ZNF692: variants seen among roughly 807,000 people sequenced by gnomAD.
ZNF692 encodes zinc finger protein 692.
ZNF692 carries 41 observed loss-of-function variants against 49.0 expected under a neutral mutation model. That is an observed-to-expected ratio of 0.84 (90% CI 0.65 to 1.08). ZNF692 has a LOEUF of 1.08. Among genes scored for constraint, ZNF692 ranks in the 50% least tolerant of loss-of-function variants. The pLI, the probability that ZNF692 is intolerant of heterozygous loss-of-function variation, is 0.00. For missense variants in ZNF692, 662 were observed against 662.2 expected (o/e 1.00, Z 0.00); for synonymous variants, 288 against 251.5 (o/e 1.15, Z -1.37).
At chr1:248,856,093 C>G (rs768617761) in intron 6 of ZNF692, 147 bp from the exon 7 acceptor site, 19 of 1,175,584 alleles carry the variant, frequency 1.6e-5, no homozygotes, top group Non-Finnish European at 2.0e-5. Context: ...CTGCTTTCAG[C>G]CCTCAATCTC....
Position 248,856,269 on chromosome 1 carries a change from T to C in ZNF692, c.659+19A>G. The C allele has an allele frequency of 6.4e-7, 1 of 1,561,880 alleles. No homozygotes were observed. The highest frequency in any genetic ancestry group is 8.7e-7 in the Non-Finnish European group (1 of 1,154,862). On this transcript the variant is annotated intron_variant, in intron 6 of 11. Coordinates refer to ENST00000306601, the MANE Select transcript of ZNF692 (RefSeq NM_017865.4). ...CCTCCCTCTCTTGCTCTGCTCATTC[T>C]CCCTCAACCCCAACTTGCTCATCTG...
intron 3 of ZNF692, 22 bp downstream of exon 3, chr1:248,857,806 C>G: frequency 6.2e-7 from 1 of 1,612,758 alleles, no homozygotes; most frequent in Non-Finnish European, 8.5e-7. Context: ...CTGGCTCTCA[C>G]CCCCTGCCAT....
chr1:248,850,482 C>T lies in ZNF692; in HGVS notation c.1288G>A (p.Ala430Thr). 1 of 1,611,220 alleles carries T rather than the reference C, an allele frequency of 6.2e-7. No individual in the cohort carries two copies. The highest frequency in any genetic ancestry group is 8.5e-7 in the Non-Finnish European group (1 of 1,178,362). ...TTGCGCTGGTGCCAGTTCAGGGAAG[C>T]CTTCTGGCGGCAGGTAAACCCGCAT... is the stretch of plus-strand genomic sequence containing the variant. ...EICGFTCRQK[A>T]SLNWHQRKHA... Residue 430 changes from alanine to threonine, a missense_variant, in exon 12 of 12, where the codon GCT (alanine) becomes ACT (threonine). By Grantham distance (58) the Ala-to-Thr change is moderately conservative. Transcript: ENST00000306601.
Position 248,854,067 on chromosome 1 carries a change from G to A in ZNF692, c.1039-16C>T. 6 of 1,603,480 alleles carry A rather than the reference G, an allele frequency of 3.7e-6. No individual in the cohort carries two copies. The South Asian group carries it at 5.5e-5, about 15-fold the overall frequency. ...TTTTGTGGTGCTAGAGAAGGAAGTG[G>A]GTGGTAGGGAGAGAAGAGGCAAAAG... On this transcript the variant is annotated splice_polypyrimidine_tract_variant and intron_variant, in intron 9 of 11. Transcript: ENST00000306601.
rs768917141 is a variant in ZNF692 at position 248,855,883 on chromosome 1, C to T, written c.723G>A (p.Glu241=). 5 of 1,614,162 alleles carry T rather than the reference C, an allele frequency of 3.1e-6. No homozygotes were observed. The highest frequency in any genetic ancestry group is 4.2e-6 in the Non-Finnish European group (5 of 1,180,036). Residue 241 remains glutamate, a synonymous_variant, in exon 7 of 12, where the codon GAG becomes GAA. Transcript: ENST00000306601. ...AGAGTGCTGCAGGGGCTGGTGGTGTCTCCCCCTCTTTAGGTGTGCAGGTGA... is the reference window on the plus strand; with the variant it reads ...AGAGTGCTGCAGGGGCTGGTGGTGTTTCCCCCTCTTTAGGTGTGCAGGTGA... ...SPVTCTPKEG[E]TPPAPAALSS...
rs1659410878 is a variant in ZNF692, at chr1:248,850,390, T to C, written c.1380A>G (p.Pro460=). The part of the protein sequence containing the change: ...CEFCGKRFEK[P]DSVAAHRSKS... ...TGCTACGGTGGGCTGCAACACTGTCTGGCTTCTCAAAGCGCTTGCCGCAGA... is the reference window on the plus strand; with the variant it reads ...TGCTACGGTGGGCTGCAACACTGTCCGGCTTCTCAAAGCGCTTGCCGCAGA... The change falls in exon 12 of 12, where the codon CCA becomes CCG. Residue 460 remains proline, a synonymous_variant. Coordinates refer to ENST00000306601, the MANE Select transcript of ZNF692 (RefSeq NM_017865.4). 1.2e-6 allele frequency: 2 copies of C among 1,614,024 alleles called. No homozygotes were observed. Among genetic ancestry groups the C allele is most frequent in the Non-Finnish European group, 8.5e-7 (1 of 1,180,030 alleles).
intron 10 of ZNF692, 92 bp from the exon 11 acceptor site, chr1:248,850,873 C>T: frequency 3.5e-6 from 4 of 1,127,870 alleles, no homozygotes; most frequent in Admixed American, 2.0e-5. Context: ...CAGAGTGCAC[C>T]GTATTGGAGG....
rs760918890 is a variant in ZNF692 at position 248,855,705 on chromosome 1, T to A, written c.881+20A>T. 7 of 1,614,208 alleles carry A rather than the reference T, an allele frequency of 4.3e-6. No individual in the cohort carries two copies. Among genetic ancestry groups the A allele is most frequent in the African/African-American group, 1.3e-5 (1 of 75,076 alleles). ...CATCCCAGGACGCCCCTGCCCTTTC[T>A]GTCTCAGCCATCAGGTTACCTGGCC... is the stretch of plus-strand genomic sequence containing the variant. On this transcript the variant is annotated intron_variant, in intron 7 of 11. Coordinates refer to ENST00000306601, the MANE Select transcript of ZNF692 (RefSeq NM_017865.4).
rs1330615488 is a variant in ZNF692 at position 248,857,013 on chromosome 1, A to G, written c.475+221T>C. ...AGTACTTACACATACACACACACACATTCACTTTCCCCTTATTTGTATTTT... is the reference window on the plus strand; with the variant it reads ...AGTACTTACACATACACACACACACGTTCACTTTCCCCTTATTTGTATTTT... On this transcript the variant is annotated intron_variant, in intron 4 of 11. Coordinates refer to ENST00000306601, the MANE Select transcript of ZNF692 (RefSeq NM_017865.4). 4.6e-5 allele frequency among the ~76,000 whole-genome samples: 7 copies of G among 152,110 alleles called. 1 individual carries two copies. The highest frequency in any genetic ancestry group is 1.4e-4 in the African/African-American group (6 of 41,404).
At chr1:248,851,924 T>C (rs1170256256) in intron 10 of ZNF692, among the ~76,000 whole-genome samples, 1 of 152,212 alleles carries the variant, frequency 6.6e-6, no homozygotes, top group Non-Finnish European at 1.5e-5. Context: ...TCTGAGCCCC[T>C]TCCCCGCTCA....
At chr1:248,850,634 C>T (rs1572206604) in intron 11 of ZNF692, 48 bp downstream of exon 11, 2 of 1,610,224 alleles carry the variant, frequency 1.2e-6, no homozygotes, top group Non-Finnish European at 8.5e-7. Flanking sequence ...CCAGACTCCA[C>T]CTCCTCCCTT....
Position 248,858,153 on chromosome 1 carries a change from G to C in ZNF692, c.157C>G (p.Leu53Val), listed in dbSNP as rs748345424. Reference sequence around the variant, plus strand: ...AACCGGTCCAACAGGAACTTGGCGAGCTGCGAGTGCAGGGAGAAGCCCAGC... The same window carrying C: ...AACCGGTCCAACAGGAACTTGGCGACCTGCGAGTGCAGGGAGAAGCCCAGC... Reference protein sequence around the residue: ...ERLGFSLHSQLAKFLLDRYTS... With the variant: ...ERLGFSLHSQVAKFLLDRYTS... The change falls in exon 2 of 12, where the codon CTC (leucine) becomes GTC (valine). Residue 53 changes from leucine (L) to valine (V), a missense_variant. By Grantham distance (32) the Leu-to-Val change is conservative. Transcript: ENST00000306601. This position sits in a 1 kb window ranked among gnomAD's most constrained non-coding sequence, Gnocchi z 4.3. 3.8e-6 allele frequency: 6 copies of C among 1,568,980 alleles called. No homozygotes were observed. Among genetic ancestry groups the C allele is most frequent in the Non-Finnish European group, 5.2e-6 (6 of 1,159,198 alleles).
intron 4 of ZNF692, 25 bp downstream of exon 4, chr1:248,857,209 A>G (rs771227259): frequency 5.6e-5 from 89 of 1,598,652 alleles, no homozygotes; most frequent in Non-Finnish European, 7.3e-5. Context: ...CCTTTTCTCC[A>G]TAACTCTGCT....
chr1:248,851,432 G>A (rs571872565), intron 10 of ZNF692, among the ~76,000 whole-genome samples: 3 of 152,210 alleles, frequency 2.0e-5, no homozygotes, highest in South Asian at 2.1e-4. Flanking sequence ...GGCTGCTGTG[G>A]TTTCTCTAAC....
chr1:248,851,914 T>A (rs1466754925), intron 10 of ZNF692, among the ~76,000 whole-genome samples: 1 of 152,208 alleles, frequency 6.6e-6, no homozygotes, highest in Admixed American at 6.5e-5. Flanking sequence ...CCATCTTCCC[T>A]CTGAGCCCCT....
At chr1:248,856,021 T>A in intron 6 of ZNF692, 75 bp from the exon 7 acceptor site, 1 of 1,472,208 alleles carries the variant, frequency 6.8e-7, no homozygotes, top group South Asian at 1.2e-5. Flanking sequence ...CCCTAGCCCC[T>A]AAACTGAAAA....
intron 3 of ZNF692, 35 bp downstream of exon 3, chr1:248,857,793 C>T (rs1660410312): frequency 6.2e-7 from 1 of 1,610,034 alleles, no homozygotes; most frequent in Admixed American, 1.7e-5. Context: ...GTCCCTCTTC[C>T]CTCTGGCTCT....
At chr1:248,857,884 C>G in intron 2 of ZNF692, 25 bp from the exon 3 acceptor site, 1 of 1,612,436 alleles carries the variant, frequency 6.2e-7, no homozygotes, top group Non-Finnish European at 8.5e-7. Context: ...AGAGGCAGGT[C>G]AGGACTCAGG....
Position 248,858,438 on chromosome 1 carries a change from A to G in ZNF692, c.-12-117T>C, listed in dbSNP as rs1660508710. The G allele has an allele frequency of 6.4e-7, 1 of 1,551,048 alleles. No homozygotes were observed. The highest frequency in any genetic ancestry group is 8.7e-7 in the Non-Finnish European group (1 of 1,146,608). On this transcript the variant is annotated intron_variant, in intron 1 of 11. Coordinates refer to ENST00000306601, the MANE Select transcript of ZNF692 (RefSeq NM_017865.4). This position sits in a 1 kb window ranked among gnomAD's most constrained non-coding sequence, Gnocchi z 4.3. ...CAGTGAACTGGGGCAAGACTAAACT[A>G]TTTCAATAGCAGTGGCAGGTGTGGA...
Sources: allele counts gnomAD v4.1 joint callset (sites outside exome capture counted in the v4.1 genomes callset), GRCh38; gene constraint gnomAD v4.1.1; non-coding constraint Gnocchi (gnomAD v3.1); transcripts MANE v1.5; gene names NCBI Gene and HGNC (gene_info 2026-07-23, HGNC 2026-07-21).